Variants in SPEN observed in about 807,000 individuals in gnomAD.
SPEN encodes spen family transcriptional repressor, also known as msx2-interacting protein.
In SPEN, 18 loss-of-function variants were observed where a neutral mutation model predicts 269.9. The ratio of observed to expected loss-of-function variants is 0.07; its 90% CI spans 0.05 to 0.10. The LOEUF (loss-of-function observed/expected upper bound fraction) is 0.10. Ranked by LOEUF, SPEN falls within the 10% of genes least tolerant of loss-of-function variation. The probability of loss-of-function intolerance (pLI) is 1.00; values close to 1 mark genes in which losing one functional copy is unlikely to be tolerated. For missense variants in SPEN, 3,822 were observed against 4,631.2 expected (o/e 0.83, Z 5.07); for synonymous variants, 1,726 against 1,765.7 (o/e 0.98, Z 0.56).
chr1:15,933,736 C>G lies in SPEN; in HGVS notation c.7496C>G (p.Thr2499Arg). Residue 2499 changes from threonine to arginine, a missense_variant, in exon 11 of 15, where the codon ACA becomes AGA. Physicochemically the swap from Thr to Arg is moderately conservative, Grantham distance 71. Around this residue, in one of 16 missense-constraint regions of SPEN, gnomAD observed 727 missense variants for 737.9 expected, o/e 0.99. Transcript: ENST00000375759. The surrounding 1 kb of genome is among the most constrained non-coding windows in gnomAD (Gnocchi z 5.7). ...IPHQSPPTKV[T>R]EWITRQEEPR... is the part of the protein sequence containing the mutation. Reference sequence around the variant, plus strand: ...CACCAGAGCCCCCCTACTAAGGTGACAGAGTGGATCACAAGGCAGGAGGAG... The same window carrying G: ...CACCAGAGCCCCCCTACTAAGGTGAGAGAGTGGATCACAAGGCAGGAGGAG... 2 of 1,614,142 alleles carry G rather than the reference C, an allele frequency of 1.2e-6. No homozygotes were observed. Among genetic ancestry groups the G allele is most frequent in the Non-Finnish European group, 1.7e-6 (2 of 1,180,018 alleles).
chr1:15,938,879 C>A lies in SPEN; in HGVS notation c.10863+3C>A. On this transcript the variant is annotated splice_donor_region_variant and intron_variant, in intron 14 of 14. Coordinates refer to ENST00000375759, the MANE Select transcript of SPEN (RefSeq NM_015001.3). ...TTCCCAACCCTGGCTCCAATCAGGT[C>A]GGTTGTCCTGTGTCCTTCCTTCACA... 1 of 1,612,886 alleles carries A rather than the reference C, an allele frequency of 6.2e-7. No homozygotes were observed. The highest frequency in any genetic ancestry group is 8.5e-7 in the Non-Finnish European group (1 of 1,179,540).
At position 15,934,776 on chromosome 1, in the gene SPEN, G is replaced by C; in HGVS notation, c.8536G>C (p.Glu2846Gln). The change falls in exon 11 of 15, where the codon GAA becomes CAA. Residue 2846 changes from glutamate (E) to glutamine (Q), a missense_variant. Glu to Gln is a conservative substitution (Grantham distance 29). Transcript: ENST00000375759. The surrounding 1 kb of genome is among the most constrained non-coding windows in gnomAD (Gnocchi z 9.2). ...CCCCCCGGCCAGTGCAATGGACATTGAATTTCAGCAGTCAGTGTCCAAGTC... is the reference window on the plus strand; with the variant it reads ...CCCCCCGGCCAGTGCAATGGACATTCAATTTCAGCAGTCAGTGTCCAAGTC... ...QIPPASAMDI[E>Q]FQQSVSKSQV... 2 of 1,614,182 alleles carry C rather than the reference G, an allele frequency of 1.2e-6. No homozygotes were observed. Among genetic ancestry groups the C allele is most frequent in the Middle Eastern group, 1.6e-4 (1 of 6,062 alleles).
Position 15,848,195 on chromosome 1 carries a change from G to C in SPEN, c.83+45G>C. 2 of 1,359,584 alleles carry C rather than the reference G, an allele frequency of 1.5e-6. No individual in the cohort carries two copies. 84.2% of individuals were successfully genotyped at this position (1,359,584 alleles called of 1,614,324 possible). A position where few individuals can be genotyped will look rare whatever the true frequency, so the allele number is the denominator to read the frequency against. ...CGGCCGCGCTCGCTCCTCGGGCGCC[G>C]CTTCCCGCCCCGGCCCGTTGCCGGC... On this transcript the variant is annotated intron_variant, in intron 1 of 14. Transcript: ENST00000375759. The surrounding 1 kb of genome is among the most constrained non-coding windows in gnomAD (Gnocchi z 5.1).
chr1:15,899,668 A>G lies in SPEN; in HGVS notation c.882-9653A>G, dbSNP rs115262649. On this transcript the variant is annotated intron_variant, in intron 3 of 14. Transcript: ENST00000375759. ...ACTACAAGTATGAGCCCAGTTTCAC[A>G]TGGTTATGATTTGCGTTTCCCTAAT... 4.2e-3 allele frequency among the ~76,000 whole-genome samples: 624 copies of G among 149,674 alleles called. 4 individuals are homozygous for G. The highest frequency in any genetic ancestry group is 0.015 in the African/African-American group (603 of 40,632).
chr1:15,931,351 C>A lies in SPEN; in HGVS notation c.5111C>A (p.Pro1704Gln). 1 of 1,614,230 alleles carries A rather than the reference C, an allele frequency of 6.2e-7. No homozygotes were observed. The highest frequency in any genetic ancestry group is 8.5e-7 in the Non-Finnish European group (1 of 1,180,036). The change falls in exon 11 of 15, where the codon CCA becomes CAA. Residue 1704 changes from proline (P) to glutamine (Q), a missense_variant. Pro to Gln is a moderately conservative substitution (Grantham distance 76). Around this residue, in one of 16 missense-constraint regions of SPEN, gnomAD observed 533 missense variants for 618.8 expected, o/e 0.86. Coordinates refer to ENST00000375759, the MANE Select transcript of SPEN (RefSeq NM_015001.3). The surrounding 1 kb of genome is among the most constrained non-coding windows in gnomAD (Gnocchi z 4.8). ...CAGCTGGAACAAGTAGACCTGCCCC[C>A]AGGAGCAGACCCCGATAAAGAAGCT... The part of the protein sequence containing the change: ...VEQLEQVDLP[P>Q]GADPDKEAAM...
chr1:15,925,538 A>G (rs1248309595), intron 10 of SPEN, among the ~76,000 whole-genome samples: 2 of 151,624 alleles, frequency 1.3e-5, no homozygotes, highest in Non-Finnish European at 1.5e-5. Context: ...GCTTATACAT[A>G]TATTTCTGCC....
chr1:15,862,668 T>G (rs1247420353), intron 1 of SPEN, among the ~76,000 whole-genome samples: 1 of 152,222 alleles, frequency 6.6e-6, no homozygotes, highest in African/African-American at 2.4e-5. Flanking sequence ...AATTTTTCAT[T>G]AGATTGGAGT....
In SPEN at chr1:15,930,086, G is replaced by T. The variant is rs770927533; in HGVS notation, c.3846G>T (p.Leu1282=). The change falls in exon 11 of 15, where the codon CTG becomes CTT. Residue 1282 remains leucine (L), a synonymous_variant. Transcript: ENST00000375759. This position sits in a 1 kb window ranked among gnomAD's most constrained non-coding sequence, Gnocchi z 5.3. ...ATCCCATAGGCTCCCCTAGGCTACT[G>T]TCAGTAAAAGGGTCTCCTAAAGTAG... ...DEDPIGSPRL[L]SVKGSPKVDE... 1.2e-6 allele frequency: 2 copies of T among 1,614,204 alleles called. No individual in the cohort carries two copies. The highest frequency in any genetic ancestry group is 2.2e-5 in the South Asian group (2 of 91,090).
Position 15,933,113 on chromosome 1 carries a change from C to T in SPEN, c.6873C>T (p.Pro2291=), listed in dbSNP as rs1233653283. ...SSRPPVNAPD[P]SAGPTDTKEA... The stretch of plus-strand genomic sequence containing the variant: ...GGCCTCCAGTCAATGCTCCTGACCC[C>T]TCAGCCGGCCCAACAGATACCAAGG... The change falls in exon 11 of 15, where the codon CCC becomes CCT. Residue 2291 remains proline, a synonymous_variant. Transcript: ENST00000375759. The surrounding 1 kb of genome is among the most constrained non-coding windows in gnomAD (Gnocchi z 5.7). The T allele has an allele frequency of 4.3e-6, 7 of 1,614,220 alleles. No individual in the cohort carries two copies. Among genetic ancestry groups the T allele is most frequent in the Non-Finnish European group, 4.2e-6 (5 of 1,180,032 alleles).
At chr1:15,922,153 A>C (rs1570050597) in intron 9 of SPEN, 96 bp from the exon 10 acceptor site, 4 of 875,164 alleles carry the variant, frequency 4.6e-6, no homozygotes, top group Admixed American at 2.6e-5. Flanking sequence ...AAATTTTCTC[A>C]GAAGGGCTAT....
At chr1:15,904,452 C>CAAAAAAAAAAAAAAAAAAAAAAAAAAAA (rs1215369183) in intron 3 of SPEN, among the ~76,000 whole-genome samples, 14 of 48,628 alleles carry the variant, frequency 2.9e-4, no homozygotes, top group South Asian at 1.2e-3. Flanking sequence ...AACTCCATCT[C>CAAAAAAAAAAAAAAAAAAAAAAAAAAAA]AAAAAAAAAA....
intron 6 of SPEN, among the ~76,000 whole-genome samples, chr1:15,917,068 C>T (rs2235742): frequency 0.11 from 16,137 of 152,136 alleles, 1,229 homozygotes; most frequent in Admixed American, 0.23. Flanking sequence ...GCAGAGGCTG[C>T]GGTGAGCCGA....
chr1:15,890,454 A>G (rs921140479), intron 3 of SPEN, among the ~76,000 whole-genome samples: 2 of 150,368 alleles, frequency 1.3e-5, no homozygotes, highest in Admixed American at 6.6e-5. Context: ...CTGGTCTCGA[A>G]CTCTTGACCT....
At chr1:15,916,750 C>G (rs2071070859) in intron 6 of SPEN, among the ~76,000 whole-genome samples, 1 of 152,026 alleles carries the variant, frequency 6.6e-6, no homozygotes. Context: ...TTTTATCTTT[C>G]TTTGTTCATT....
chr1:15,937,210 G>A lies in SPEN; in HGVS notation c.10074G>A (p.Gln3358=), dbSNP rs374604689. The part of the protein sequence containing the change: ...GEPLQPPQPV[Q]STQPAQPAPP... ...CCCTGCAGCCTCCTCAGCCTGTGCA[G>A]TCCACACAGCCTGCCCAGCCTGCAC... Residue 3358 remains glutamine (Q), a synonymous_variant, in exon 12 of 15, where the codon CAG becomes CAA. Coordinates refer to ENST00000375759, the MANE Select transcript of SPEN (RefSeq NM_015001.3). This position sits in a 1 kb window ranked among gnomAD's most constrained non-coding sequence, Gnocchi z 5.7. The A allele has an allele frequency of 1.9e-6, 3 of 1,613,622 alleles. No homozygotes were observed. Among genetic ancestry groups the A allele is most frequent in the Non-Finnish European group, 2.5e-6 (3 of 1,179,958 alleles).
intron 3 of SPEN, among the ~76,000 whole-genome samples, chr1:15,906,584 G>T (rs1476847049): frequency 1.4e-5 from 2 of 147,966 alleles, no homozygotes; most frequent in African/African-American, 5.0e-5. Flanking sequence ...TCAGCTTCCA[G>T]AGTAGCTTGG....
At position 15,935,691 on chromosome 1, in the gene SPEN, G is replaced by C. The variant is rs1484222319; in HGVS notation, c.9451G>C (p.Ala3151Pro). 3 of 1,613,742 alleles carry C rather than the reference G, an allele frequency of 1.9e-6. No individual in the cohort carries two copies. The African/African-American group carries it at 4.0e-5, about 22-fold the overall frequency. ...QPAPAGVPALASQHPPEEEVH... is the reference protein window; with the variant it reads ...QPAPAGVPALPSQHPPEEEVH... Reference sequence around the variant, plus strand: ...AGCCCCAGCTGGTGTGCCTGCACTGGCCTCCCAGCACCCTCCCGAGGAGGA... The same window carrying C: ...AGCCCCAGCTGGTGTGCCTGCACTGCCCTCCCAGCACCCTCCCGAGGAGGA... The change falls in exon 11 of 15, where the codon GCC (alanine) becomes CCC (proline). Residue 3151 changes from alanine to proline, a missense_variant. Coordinates refer to ENST00000375759, the MANE Select transcript of SPEN (RefSeq NM_015001.3). This position sits in a 1 kb window ranked among gnomAD's most constrained non-coding sequence, Gnocchi z 7.7.
Position 15,931,448 on chromosome 1 carries a change from A to C in SPEN, c.5208A>C (p.Pro1736=). ...DQPPYLDAKP[P]TPGASFSQAE... Reference sequence around the variant, plus strand: ...CGCCTTATCTGGATGCCAAGCCTCCAACTCCCGGGGCCTCGTTTTCCCAGG... The same window carrying C: ...CGCCTTATCTGGATGCCAAGCCTCCCACTCCCGGGGCCTCGTTTTCCCAGG... Residue 1736 remains proline (P), a synonymous_variant, in exon 11 of 15, where the codon CCA becomes CCC. Transcript: ENST00000375759. This position sits in a 1 kb window ranked among gnomAD's most constrained non-coding sequence, Gnocchi z 4.8. 6.2e-7 allele frequency: 1 copy of C among 1,614,162 alleles called. No homozygotes were observed. The highest frequency in any genetic ancestry group is 8.5e-7 in the Non-Finnish European group (1 of 1,180,026).
Position 15,938,712 on chromosome 1 carries a change from C to T in SPEN, c.10705-6C>T. 6.2e-7 allele frequency: 1 copy of T among 1,610,932 alleles called. No individual in the cohort carries two copies. Reference sequence around the variant, plus strand: ...CCTGCTCACTGGCAGCTGGCCTCTGCCTCAGGTGGAGACAGATTACTGTCT... The same window carrying T: ...CCTGCTCACTGGCAGCTGGCCTCTGTCTCAGGTGGAGACAGATTACTGTCT... On this transcript the variant is annotated splice_polypyrimidine_tract_variant and splice_region_variant and intron_variant, in intron 13 of 14. Transcript: ENST00000375759.
Sources: allele counts gnomAD v4.1 joint callset (sites outside exome capture counted in the v4.1 genomes callset), GRCh38; gene constraint gnomAD v4.1.1; regional missense constraint gnomAD v4.1.1; non-coding constraint Gnocchi (gnomAD v3.1); transcripts MANE v1.5; gene names NCBI Gene and HGNC (gene_info 2026-07-23, HGNC 2026-07-21).